Variants in ANKRD24 observed in about 807,000 individuals in gnomAD.
ANKRD24 encodes ankyrin repeat domain-containing protein 24.
Under a neutral mutation model 127.8 loss-of-function variants are expected in ANKRD24, and 109 were observed. That is an observed-to-expected ratio of 0.85 (90% CI 0.73 to 1.00). The LOEUF is 1.00. Among genes scored for constraint, ANKRD24 ranks in the 50% least tolerant of loss-of-function variants. The pLI, the probability that ANKRD24 is intolerant of heterozygous loss-of-function variation, is 0.00. For synonymous variants in ANKRD24, 743 were observed against 671.1 expected (o/e 1.11, Z -1.66); for missense variants, 1,648 against 1,570.2 (o/e 1.05, Z -0.84).
At chr19:4,203,965 T>C (rs1969243683) in intron 7 of ANKRD24, among the ~76,000 whole-genome samples, 1 of 131,674 alleles carries the variant, frequency 7.6e-6, no homozygotes, top group Non-Finnish European at 1.6e-5. Context: ...CCCTTTTTTT[T>C]TTTTTTTTTT....
In ANKRD24 at chr19:4,202,842, G is replaced by A. The variant is rs377567694; in HGVS notation, c.409-27G>A. The stretch of plus-strand genomic sequence containing the variant: ...ATCAGGCAGCAAGAAGGATGGCTCC[G>A]CCTCAAAGGACTCGCCCCATCCCCA... On this transcript the variant is annotated intron_variant, in intron 6 of 21. Coordinates refer to ENST00000318934, the MANE Select transcript of ANKRD24 (RefSeq NM_001393985.1). The A allele has an allele frequency of 2.7e-5, 43 of 1,571,764 alleles. No individual in the cohort carries two copies. In the African/African-American group the frequency reaches 3.5e-4, roughly 13 times the overall value.
At chr19:4,192,826 C>T (rs1968459499) in intron 2 of ANKRD24, among the ~76,000 whole-genome samples, 1 of 151,604 alleles carries the variant, frequency 6.6e-6, no homozygotes, top group Non-Finnish European at 1.5e-5. Context: ...TCCAGTTACT[C>T]AGGAGGCTGA....
chr19:4,201,013 A>G (rs1969066988), intron 5 of ANKRD24, among the ~76,000 whole-genome samples: 1 of 152,012 alleles, frequency 6.6e-6, no homozygotes, highest in African/African-American at 2.4e-5. Context: ...TGAGCTTGCA[A>G]AGTATCTGGG....
Position 4,186,434 on chromosome 19 carries a change from T to C in ANKRD24, c.9T>C (p.Thr3=). 1 of 1,592,218 alleles carries C rather than the reference T, an allele frequency of 6.3e-7. No individual in the cohort carries two copies. The highest frequency in any genetic ancestry group is 8.6e-7 in the Non-Finnish European group (1 of 1,169,472). The change falls in exon 2 of 22, where the codon ACT becomes ACC. Residue 3 remains threonine, a synonymous_variant. Coordinates refer to ENST00000318934, the MANE Select transcript of ANKRD24 (RefSeq NM_001393985.1). MK[T]LRARFKKTEL... ...AACACAGGGCACCAACTATGAAGAC[T>C]CTCAGGGCGCGATTTAAGAAGACAG...
At chr19:4,212,772 A>C in intron 15 of ANKRD24, 74 bp downstream of exon 15, 1 of 1,332,920 alleles carries the variant, frequency 7.5e-7, no homozygotes, top group African/African-American at 1.5e-5. Context: ...GCGACAAGAC[A>C]GTCACACCAG....
At position 4,207,968 on chromosome 19, in the gene ANKRD24, G is replaced by A. The variant is rs752311142; in HGVS notation, c.832G>A (p.Ala278Thr). The change falls in exon 10 of 22, where the codon GCC (alanine) becomes ACC (threonine). Residue 278 changes from alanine to threonine, a missense_variant and splice_region_variant. Coordinates refer to ENST00000318934, the MANE Select transcript of ANKRD24 (RefSeq NM_001393985.1). The stretch of plus-strand genomic sequence containing the variant: ...GGCCCAGCGCCCCTCCCCACCCAGC[G>A]GTATGCAAGCCCCACCTCCCCAATG... The part of the protein sequence containing the change: ...EAAQRPSPPS[A>T]LTEDDSGEAS... 16 of 1,487,728 alleles carry A rather than the reference G, an allele frequency of 1.1e-5. No homozygotes were observed. The highest frequency in any genetic ancestry group is 1.4e-5 in the African/African-American group (1 of 70,984). The allele number at this position is 1,487,728 out of a possible 1,614,324, so 92.2% of individuals were successfully genotyped here.
rs1969807267 is a variant in ANKRD24 at position 4,212,609 on chromosome 19, C to T, written c.1108C>T (p.Leu370=). 1 of 1,551,082 alleles carries T rather than the reference C, an allele frequency of 6.4e-7. No homozygotes were observed. The highest frequency in any genetic ancestry group is 8.7e-7 in the Non-Finnish European group (1 of 1,147,008). The stretch of plus-strand genomic sequence containing the variant: ...CCACTGCTGCTCCCAGGTGCAAGAG[C>T]TACAGCAGTTGCTGGTGGAGAGACA... ...LHILERQVQE[L]QQLLVERQEE... Residue 370 remains leucine, a synonymous_variant, in exon 15 of 22, where the codon CTA becomes TTA. Coordinates refer to ENST00000318934, the MANE Select transcript of ANKRD24 (RefSeq NM_001393985.1).
intron 2 of ANKRD24, among the ~76,000 whole-genome samples, chr19:4,186,754 C>T (rs974927346): frequency 1.3e-5 from 2 of 152,152 alleles, no homozygotes; most frequent in Non-Finnish European, 2.9e-5. Flanking sequence ...GTCCAATCTC[C>T]GCTCTCCCCG....
At position 4,199,826 on chromosome 19, in the gene ANKRD24, G is replaced by C; in HGVS notation, c.124-49G>C. 1.3e-6 allele frequency: 2 copies of C among 1,537,866 alleles called. No individual in the cohort carries two copies. The highest frequency in any genetic ancestry group is 1.8e-6 in the Non-Finnish European group (2 of 1,139,196). ...GGAGCCCCTGTCGGGGGCGTGGGGA[G>C]GGGACAGCAGCCAACACTGCCCCAC... is the stretch of plus-strand genomic sequence containing the variant. On this transcript the variant is annotated intron_variant, in intron 3 of 21. Coordinates refer to ENST00000318934, the MANE Select transcript of ANKRD24 (RefSeq NM_001393985.1). This position sits in a 1 kb window ranked among gnomAD's most constrained non-coding sequence, Gnocchi z 5.2.
At position 4,195,157 on chromosome 19, in the gene ANKRD24, C is replaced by T. The variant is rs1968636675; in HGVS notation, c.37-4526C>T. On this transcript the variant is annotated intron_variant, in intron 2 of 21. Transcript: ENST00000318934. This position sits in a 1 kb window ranked among gnomAD's most constrained non-coding sequence, Gnocchi z 4.2. ...GCACGACTTCTGCTCACTGCAAGCT[C>T]CGCCTCCCGGGTGCACGCCATTCTC... Among the ~76,000 whole-genome samples the T allele has an allele frequency of 6.6e-6, 1 of 151,252 alleles. No homozygotes were observed. Among genetic ancestry groups the T allele is most frequent in the East Asian group, 1.9e-4 (1 of 5,160 alleles).
Position 4,224,767 on chromosome 19 carries a change from T to G in ANKRD24, c.*262T>G. On this transcript the variant is annotated 3_prime_UTR_variant, in exon 22 of 22. Transcript: ENST00000318934. ...CCGGAGACTGTGATTCCCTGTGTCC[T>G]CCACATCCAGACGCCAGCCCAGGAA... 1 of 527,836 alleles carries G rather than the reference T, an allele frequency of 1.9e-6. No individual in the cohort carries two copies. Among genetic ancestry groups the G allele is most frequent in the Non-Finnish European group, 3.4e-6 (1 of 293,166 alleles). 32.7% of individuals were successfully genotyped at this position (527,836 alleles called of 1,614,324 possible).
intron 15 of ANKRD24, among the ~76,000 whole-genome samples, chr19:4,213,335 TTTCCTTCC>T (rs767871996): frequency 1.4e-5 from 2 of 148,086 alleles, no homozygotes; most frequent in Non-Finnish European, 3.0e-5. Flanking sequence ...CCTTCCTTCC[TTTCCTTCC>T]TTCCTTCGTT....
At chr19:4,196,074 G>C (rs1038238815) in intron 2 of ANKRD24, among the ~76,000 whole-genome samples, 5 of 152,170 alleles carry the variant, frequency 3.3e-5, no homozygotes, top group Non-Finnish European at 7.3e-5. Flanking sequence ...GGAGGCCAGG[G>C]ATGCTGCTCG....
intron 18 of ANKRD24, among the ~76,000 whole-genome samples, chr19:4,218,750 TTTC>T (rs1186448396): frequency 1.8e-4 from 23 of 128,496 alleles, no homozygotes; most frequent in African/African-American, 6.0e-4. Context: ...CTTCCCTTCC[TTTC>T]TTTTTTTTTT....
chr19:4,223,508 A>G (rs1446656412), intron 20 of ANKRD24, among the ~76,000 whole-genome samples: 1 of 148,904 alleles, frequency 6.7e-6, no homozygotes, highest in African/African-American at 2.5e-5. Context: ...CCCGGGTTCA[A>G]GTGATTCTCC....
chr19:4,211,300 T>C (rs572347138), intron 13 of ANKRD24, among the ~76,000 whole-genome samples: 1 of 152,186 alleles, frequency 6.6e-6, no homozygotes, highest in South Asian at 2.1e-4. Context: ...AGTGAGTGTA[T>C]GAATGAATGG....
intron 2 of ANKRD24, among the ~76,000 whole-genome samples, chr19:4,194,215 T>A (rs1277534125): frequency 6.6e-6 from 1 of 152,140 alleles, no homozygotes; most frequent in African/African-American, 2.4e-5. Context: ...CAGGCTGGAG[T>A]GCTCTCAGGT....
chr19:4,205,915 G>C (rs1403942954), intron 7 of ANKRD24, among the ~76,000 whole-genome samples: 4 of 152,018 alleles, frequency 2.6e-5, no homozygotes, highest in Admixed American at 2.6e-4. Flanking sequence ...GGCCGAGGCG[G>C]GTGGATCACG....
At position 4,199,681 on chromosome 19, in the gene ANKRD24, A is replaced by C. The variant is rs1479430345; in HGVS notation, c.37-2A>C. 1.5e-5 allele frequency: 23 copies of C among 1,526,438 alleles called. No homozygotes were observed. The highest frequency in any genetic ancestry group is 2.0e-5 in the Non-Finnish European group (23 of 1,140,810). 94.6% of individuals were successfully genotyped at this position (1,526,438 alleles called of 1,614,324 possible). A position where few individuals can be genotyped will look rare whatever the true frequency, so the allele number is the denominator to read the frequency against. ...CTCGCCCAGGACCACCTCCCCCTGC[A>C]GCTGCGGCTCAGCCCCACTGACCTT... is the stretch of plus-strand genomic sequence containing the variant. On this transcript the variant is annotated splice_acceptor_variant, in intron 2 of 21. Coordinates refer to ENST00000318934, the MANE Select transcript of ANKRD24 (RefSeq NM_001393985.1). LOFTEE classifies it high-confidence loss of function. This position sits in a 1 kb window ranked among gnomAD's most constrained non-coding sequence, Gnocchi z 5.2.
Sources: allele counts gnomAD v4.1 joint callset (sites outside exome capture counted in the v4.1 genomes callset), GRCh38; gene constraint gnomAD v4.1.1; non-coding constraint Gnocchi (gnomAD v3.1); transcripts MANE v1.5; gene names NCBI Gene and HGNC (gene_info 2026-07-23, HGNC 2026-07-21).